AGAP4: variants seen among roughly 807,000 people sequenced by gnomAD.
AGAP4 encodes arf-GAP with GTPase, ANK repeat and PH domain-containing protein 4.
A neutral mutation model predicts 60.7 loss-of-function variants in AGAP4; 13 were observed. That is an observed-to-expected ratio of 0.21 (90% confidence interval 0.14 to 0.34). The LOEUF (loss-of-function observed/expected upper bound fraction) is 0.34, where lower values mean the gene tolerates loss of function less well. AGAP4 is among the 10% of genes least tolerant of loss of function. The pLI is 1.00. For synonymous variants in AGAP4, 70 were observed against 339.0 expected (o/e 0.21, Z 8.72); for missense variants, 169 against 884.0 (o/e 0.19, Z 10.26).
At chr10:45,853,787 A>G in exon 1 of AGAP4, 1 of 1,287,664 alleles carries the variant, frequency 7.8e-7, no homozygotes, top group South Asian at 1.2e-5. Flanking sequence ...TTGTGAAGGC[A>G]TCTTAGACAA....
chr10:45,844,283 G>A (rs1178167114), intron 3 of AGAP4, 43 bp downstream of exon 3: 1 of 1,593,150 alleles, frequency 6.3e-7, no homozygotes, highest in Non-Finnish European at 8.5e-7. Flanking sequence ...TCAAACAAGA[G>A]CTTTTATTCT....
rs2058729941 is a variant in AGAP4 at position 45,831,393 on chromosome 10, C to A, written c.533+1G>T. 1.3e-6 allele frequency: 2 copies of A among 1,585,590 alleles called. No individual in the cohort carries two copies. Among genetic ancestry groups the A allele is most frequent in the Non-Finnish European group, 1.7e-6 (2 of 1,170,986 alleles). On this transcript the variant is annotated splice_donor_variant, in intron 6 of 7. Transcript: ENST00000616763. LOFTEE classifies it high-confidence loss of function. ...ACAAGACAGGTTTCTAAAAAGCTCA[C>A]CTTTGTGTGATATGATGAGGTATCT...
intron 4 of AGAP4, among the ~76,000 whole-genome samples, chr10:45,839,389 A>C (rs1250327227): frequency 8.7e-6 from 1 of 114,456 alleles, no homozygotes; most frequent in Non-Finnish European, 1.9e-5. Context: ...CCCCAAGTCC[A>C]CCTGTCCTTC....
chr10:45,844,299 TTGG>T, intron 3 of AGAP4, 24 bp downstream of exon 3: 1 of 1,594,208 alleles, frequency 6.3e-7, no homozygotes, highest in South Asian at 1.1e-5. Context: ...ATTCTTTCTC[TTGG>T]TGGAAAAAAC....
intron 3 of AGAP4, among the ~76,000 whole-genome samples, chr10:45,842,466 G>T (rs1258282189): frequency 6.1e-5 from 9 of 147,844 alleles, no homozygotes; most frequent in Non-Finnish European, 1.2e-4. Flanking sequence ...GGATGGTCTT[G>T]ATCTCCTAAC....
chr10:45,852,536 T>G (rs1590046933), intron 1 of AGAP4, among the ~76,000 whole-genome samples: 1 of 151,592 alleles, frequency 6.6e-6, no homozygotes, highest in East Asian at 1.9e-4. Context: ...TGTGACTATT[T>G]ACAAACTCTA....
chr10:45,832,091 G>C (rs1194701253), intron 5 of AGAP4, among the ~76,000 whole-genome samples: 2,626 of 133,562 alleles, frequency 0.02, 78 homozygotes, highest in Middle Eastern at 0.031. Flanking sequence ...GTAGAGTGAG[G>C]CTCAAAACAA....
intron 4 of AGAP4, among the ~76,000 whole-genome samples, chr10:45,834,674 C>CAAAAAA (rs1174820110): frequency 7.2e-4 from 11 of 15,220 alleles, no homozygotes; most frequent in East Asian, 7.6e-3. Context: ...GACTCCGCCT[C>CAAAAAA]AAAAAAAAAA....
intron 4 of AGAP4, among the ~76,000 whole-genome samples, chr10:45,834,661 T>A (rs1287702291): frequency 1.9e-5 from 1 of 51,624 alleles, no homozygotes; most frequent in Admixed American, 2.9e-4. Flanking sequence ...GCAGACAAAG[T>A]GAGACTCCGC....
At chr10:45,832,387 C>T (rs2058748651) in intron 5 of AGAP4, among the ~76,000 whole-genome samples, 1 of 149,866 alleles carries the variant, frequency 6.7e-6, no homozygotes, top group Admixed American at 6.7e-5. Flanking sequence ...GTCCTAAACT[C>T]AAATTAAGCA....
chr10:45,831,236 TGA>T (rs1159407096), intron 6 of AGAP4, among the ~76,000 whole-genome samples, 156 bp downstream of exon 6: 6 of 135,552 alleles, frequency 4.4e-5, no homozygotes, highest in Non-Finnish European at 3.3e-5. Flanking sequence ...TTAAGAATTA[TGA>T]GAGTCTTAAG....
intron 6 of AGAP4, among the ~76,000 whole-genome samples, chr10:45,828,587 T>C (rs1291826729): frequency 6.8e-6 from 1 of 148,062 alleles, no homozygotes; most frequent in Non-Finnish European, 1.5e-5. Flanking sequence ...AACTAATGCA[T>C]TGTGCCTGTG....
intron 4 of AGAP4, among the ~76,000 whole-genome samples, chr10:45,839,884 A>T (rs1200992040): frequency 0.03 from 4,326 of 145,326 alleles, 210 homozygotes; most frequent in African/African-American, 0.1. Flanking sequence ...TTCAATAGAA[A>T]TAGTAGAGGA....
At chr10:45,846,793 C>A (rs2059006314) in intron 1 of AGAP4, 38 bp from the exon 2 acceptor site, 7 of 767,226 alleles carry the variant, frequency 9.1e-6, no homozygotes, top group Middle Eastern at 3.9e-4. Flanking sequence ...AAGATGTAAT[C>A]ATTTATAAAA....
intron 4 of AGAP4, among the ~76,000 whole-genome samples, chr10:45,836,882 T>G (rs1413204295): frequency 1.4e-5 from 2 of 147,684 alleles, no homozygotes; most frequent in African/African-American, 2.5e-5. Context: ...TTTTTTTTTT[T>G]GAGATGGAGT....
upstream of AGAP4, chr10:45,854,648 AAAAAAAAAAAG>A (rs1235732483): frequency 9.3e-5 from 14 of 150,348 alleles, no homozygotes; most frequent in Non-Finnish European, 1.9e-4. Flanking sequence ...AAAAAAAAAA[AAAAAAAAAAAG>A]AGAGAAAAAG....
intron 5 of AGAP4, among the ~76,000 whole-genome samples, chr10:45,832,516 T>C (rs1371982193): frequency 0.05 from 6,573 of 132,418 alleles, 316 homozygotes; most frequent in Non-Finnish European, 0.065. Context: ...GCATCAAGGT[T>C]CTTGGTAAAC....
At chr10:45,850,050 C>T (rs1422541151), upstream of AGAP4, among the ~76,000 whole-genome samples, 8 of 151,682 alleles carry the variant, frequency 5.3e-5, no homozygotes, top group East Asian at 1.6e-3. Context: ...GTGCCTAAGC[C>T]TCCCAAGTAG....
chr10:45,826,980 G>C lies in AGAP4; in HGVS notation c.996C>G (p.Asp332Glu). The change falls in exon 8 of 8, where the codon GAC becomes GAG. Residue 332 changes from aspartate to glutamate, a missense_variant. Physicochemically the swap from Asp to Glu is conservative, Grantham distance 45 (BLOSUM62 2). Coordinates refer to ENST00000616763, the MANE Select transcript of AGAP4 (RefSeq NM_001276343.3). ...GGACTTTGATGGTAGATGTCTGAAGGTCAATCTCTTTTTTATGAATATTCT... is the reference window on the plus strand; with the variant it reads ...GGACTTTGATGGTAGATGTCTGAAGCTCAATCTCTTTTTTATGAATATTCT... ...YMKNIHKKEI[D>E]LQTSTIKVPG... 1.4e-6 allele frequency: 2 copies of C among 1,388,224 alleles called. No homozygotes were observed. Among genetic ancestry groups the C allele is most frequent in the African/African-American group, 1.8e-5 (1 of 55,034 alleles). The allele number at this position is 1,388,224 out of a possible 1,614,324, so 86.0% of individuals were successfully genotyped here. A position where few individuals can be genotyped will look rare whatever the true frequency, so the allele number is the denominator to read the frequency against.
Sources: allele counts gnomAD v4.1 joint callset (sites outside exome capture counted in the v4.1 genomes callset), GRCh38; gene constraint gnomAD v4.1.1; transcripts MANE v1.5; gene names NCBI Gene and HGNC (gene_info 2026-07-23, HGNC 2026-07-21).